PDHX: variants seen among roughly 807,000 people sequenced by gnomAD.
PDHX encodes pyruvate dehydrogenase protein X component, mitochondrial.
In PDHX, 33 loss-of-function variants were observed where a neutral mutation model predicts 55.3. The observed-to-expected ratio is 0.60, with a 90% CI of 0.45 to 0.80. PDHX has a LOEUF of 0.80. Among genes scored for constraint, PDHX ranks in the 30% least tolerant of loss-of-function variants. The pLI, the probability that PDHX is intolerant of heterozygous loss-of-function variation, is 0.00. For missense variants in PDHX, 622 were observed against 619.9 expected, an observed-to-expected ratio of 1.00 and a Z score of -0.04; for synonymous variants, 226 against 219.4, an observed-to-expected ratio of 1.03 and a Z score of -0.27.
chr11:34,966,572 C>T (rs1283650987), intron 5 of PDHX, 68 bp from the exon 6 acceptor site: 46 of 1,420,548 alleles, frequency 3.2e-5, no homozygotes, highest in Non-Finnish European at 4.0e-5. Context: ...ATCTCACCTG[C>T]GTTTTCTGAA....
chr11:34,943,431 C>G (rs1333913326), intron 2 of PDHX, among the ~76,000 whole-genome samples: 1 of 152,040 alleles, frequency 6.6e-6, no homozygotes, highest in African/African-American at 2.4e-5. Context: ...TTTTCTGTGG[C>G]TAGAGTCTGT....
intron 7 of PDHX, among the ~76,000 whole-genome samples, chr11:34,974,528 C>T (rs180815450): frequency 2.6e-5 from 4 of 152,264 alleles, no homozygotes; most frequent in African/African-American, 9.6e-5. Context: ...GGTATATCCC[C>T]AGAAGTGGAA....
chr11:34,959,796 A>G (rs1232669058), intron 4 of PDHX, among the ~76,000 whole-genome samples: 1 of 152,166 alleles, frequency 6.6e-6, no homozygotes, highest in East Asian at 1.9e-4. Context: ...AAAATAAGCC[A>G]GTCACAAAAC....
chr11:34,989,033 T>C (rs60153552), intron 9 of PDHX, among the ~76,000 whole-genome samples: 2,482 of 152,314 alleles, frequency 0.016, 66 homozygotes, highest in African/African-American at 0.057. Context: ...TTAGGCGATT[T>C]TGTCATTGTG....
intron 2 of PDHX, among the ~76,000 whole-genome samples, chr11:34,940,233 T>C (rs1854441065): frequency 6.6e-6 from 1 of 152,356 alleles, no homozygotes; most frequent in South Asian, 2.1e-4. Flanking sequence ...ATGTACGTAG[T>C]AAGCATGCTT....
At chr11:34,961,879 T>G (rs953265944) in intron 5 of PDHX, among the ~76,000 whole-genome samples, 4 of 152,202 alleles carry the variant, frequency 2.6e-5, no homozygotes, top group African/African-American at 7.2e-5. Context: ...AAAGTTACAC[T>G]TAGCTGTAAA....
intron 1 of PDHX, among the ~76,000 whole-genome samples, chr11:34,919,435 G>A (rs2956106): frequency 0.6 from 90,550 of 152,040 alleles, 28,158 homozygotes; most frequent in East Asian, 0.74. Context: ...TTTGTCAGTC[G>A]GAACTACCTT....
intron 1 of PDHX, among the ~76,000 whole-genome samples, chr11:34,922,896 G>GTGTGTGTA (rs1410117405): frequency 1.5e-5 from 1 of 65,418 alleles, no homozygotes; most frequent in African/African-American, 3.6e-5. Flanking sequence ...GTGTGTGTGT[G>GTGTGTGTA]TGTATGTATT....
At chr11:34,930,647 C>T (rs1854137490) in intron 1 of PDHX, among the ~76,000 whole-genome samples, 1 of 152,076 alleles carries the variant, frequency 6.6e-6, no homozygotes, top group African/African-American at 2.4e-5. Flanking sequence ...TGAATGTAAC[C>T]CTGGACGGTG....
intron 3 of PDHX, among the ~76,000 whole-genome samples, chr11:34,950,844 A>C (rs1256576158): frequency 6.6e-5 from 10 of 151,110 alleles, no homozygotes; most frequent in African/African-American, 2.4e-4. Flanking sequence ...ATACATGTGC[A>C]TGTGTCTTTA....
intron 9 of PDHX, 145 bp downstream of exon 9, chr11:34,984,873 A>G (rs2133998395): frequency 3.8e-6 from 3 of 780,658 alleles, no homozygotes; most frequent in Non-Finnish European, 6.6e-6. Context: ...TGATTGTCAC[A>G]TATATATAGG....
chr11:34,958,005 C>A (rs1001595042), intron 4 of PDHX, among the ~76,000 whole-genome samples: 1 of 152,230 alleles, frequency 6.6e-6, no homozygotes, highest in African/African-American at 2.4e-5. Flanking sequence ...AACATGCATT[C>A]GTTTTCAAAC....
chr11:34,964,460 C>T (rs1273701040), intron 5 of PDHX, among the ~76,000 whole-genome samples: 1 of 151,966 alleles, frequency 6.6e-6, no homozygotes, highest in Non-Finnish European at 1.5e-5. Context: ...AAAAATTAGC[C>T]AGGCGTGGTG....
intron 2 of PDHX, among the ~76,000 whole-genome samples, chr11:34,941,336 CTTG>C (rs1854472906): frequency 6.6e-6 from 1 of 152,194 alleles, no homozygotes; most frequent in South Asian, 2.1e-4. Context: ...TCATTGCCTG[CTTG>C]TTGTACTGTT....
chr11:34,936,769 G>GTTTCT (rs560296037), intron 2 of PDHX, among the ~76,000 whole-genome samples: 8,048 of 90,268 alleles, frequency 0.089, 804 homozygotes, highest in African/African-American at 0.19. Flanking sequence ...ATAGGAAGTG[G>GTTTCT]TTTCTTTTCT....
At chr11:34,994,628 C>T (rs192228153) in intron 10 of PDHX, among the ~76,000 whole-genome samples, 4 of 152,228 alleles carry the variant, frequency 2.6e-5, no homozygotes, top group South Asian at 4.2e-4. Context: ...TGTGATCCTT[C>T]GTTATGTGGG....
intron 7 of PDHX, among the ~76,000 whole-genome samples, chr11:34,977,172 A>G (rs959653893): frequency 6.6e-6 from 1 of 152,110 alleles, no homozygotes; most frequent in Non-Finnish European, 1.5e-5. Flanking sequence ...ATGCCTTTGG[A>G]ATGAGCTGTT....
chr11:34,952,252 A>G (rs544000481), intron 3 of PDHX, among the ~76,000 whole-genome samples: 118 of 152,200 alleles, frequency 7.8e-4, no homozygotes, highest in African/African-American at 2.8e-3. Context: ...GCCAAATTCT[A>G]CCAGAGGTAC....
chr11:34,994,952 C>A lies in PDHX; in HGVS notation c.1286C>A (p.Thr429Asn), dbSNP rs375438296. The part of the protein sequence containing the change: ...NLGMFGIDEF[T>N]AVINPPQACI... Reference sequence around the variant, plus strand: ...GGGATGTTTGGCATCGACGAATTTACTGCAGTGATTAACCCTCCTCAGGCC... The same window carrying A: ...GGGATGTTTGGCATCGACGAATTTAATGCAGTGATTAACCCTCCTCAGGCC... The change falls in exon 11 of 11, where the codon ACT becomes AAT. Residue 429 changes from threonine (T) to asparagine (N), a missense_variant. Transcript: ENST00000227868. 6.2e-7 allele frequency: 1 copy of A among 1,613,866 alleles called. No homozygotes were observed. Among genetic ancestry groups the A allele is most frequent in the South Asian group, 1.1e-5 (1 of 91,080 alleles).
Sources: gnomAD v4.1 joint callset for allele counts (sites outside exome capture counted in the v4.1 genomes callset) on GRCh38, gnomAD v4.1.1 for gene constraint, MANE v1.5 for transcripts, NCBI Gene and HGNC (gene_info 2026-07-23, HGNC 2026-07-21) for gene names.